The following ELMO1 variants were observed in gnomAD, a reference collection of about 807,000 sequenced individuals.
ELMO1 encodes engulfment and cell motility 1.
A neutral mutation model predicts 98.9 loss-of-function variants in ELMO1; 26 were observed. The ratio of observed to expected loss-of-function variants is 0.26; its 90% CI spans 0.19 to 0.36. ELMO1 has a LOEUF of 0.36. ELMO1 is among the 10% of genes least tolerant of loss of function. The pLI is 1.00. For synonymous variants in ELMO1, 346 were observed against 346.0 expected, an observed-to-expected ratio of 1.00 and a Z score of 0.00; for missense variants, 627 against 935.2, an observed-to-expected ratio of 0.67 and a Z score of 4.30.
intron 13 of ELMO1, among the ~76,000 whole-genome samples, chr7:37,163,684 T>G (rs1789402903): frequency 6.6e-6 from 1 of 152,248 alleles, no homozygotes; most frequent in Non-Finnish European, 1.5e-5. Flanking sequence ...ATTTTATGGC[T>G]GCATAGTATT....
intron 15 of ELMO1, among the ~76,000 whole-genome samples, chr7:37,090,030 T>C (rs1250936810): frequency 6.6e-5 from 10 of 152,176 alleles, no homozygotes; most frequent in Admixed American, 5.9e-4. Context: ...AAAACACTTC[T>C]ACACACCTAA....
Position 36,878,151 on chromosome 7 carries a change from G to T in ELMO1, c.1715-34C>A, listed in dbSNP as rs137988478. On this transcript the variant is annotated intron_variant, in intron 18 of 21. Coordinates refer to ENST00000310758, the MANE Select transcript of ELMO1 (RefSeq NM_014800.11). The stretch of plus-strand genomic sequence containing the variant: ...AAAAACACAAGTTTACAAGGTAAGT[G>T]ATTGTGGTTTATCAAAATACTAGCC... 796 of 1,534,322 alleles carry T rather than the reference G, an allele frequency of 5.2e-4. 2 individuals are homozygous for T. In the African/African-American group the frequency reaches 9.8e-3, roughly 19 times the overall value.
intron 16 of ELMO1, chr7:36,986,367 CTT>C (rs1382939646): frequency 1.7e-6 from 1 of 601,476 alleles, no homozygotes; most frequent in Non-Finnish European, 2.1e-6. Flanking sequence ...GTCCTATGCT[CTT>C]TTGTCAATAA....
At chr7:37,356,857 A>G (rs1801519444) in intron 1 of ELMO1, among the ~76,000 whole-genome samples, 1 of 152,206 alleles carries the variant, frequency 6.6e-6, no homozygotes, top group Non-Finnish European at 1.5e-5. Context: ...AAATAAATAA[A>G]AAAATCCTCT....
intron 13 of ELMO1, among the ~76,000 whole-genome samples, chr7:37,158,137 C>T (rs1287783833): frequency 6.6e-6 from 1 of 152,180 alleles, no homozygotes; most frequent in Non-Finnish European, 1.5e-5. Flanking sequence ...CTTCCTTACA[C>T]CTTATACAAA....
chr7:37,073,637 T>C (rs1322376004), intron 15 of ELMO1, among the ~76,000 whole-genome samples: 8 of 151,816 alleles, frequency 5.3e-5, no homozygotes, highest in African/African-American at 9.7e-5. Flanking sequence ...TGCTCTGTCG[T>C]CCAGGCTAGA....
At chr7:36,900,450 C>T (rs1180944383) in intron 16 of ELMO1, among the ~76,000 whole-genome samples, 2 of 152,158 alleles carry the variant, frequency 1.3e-5, no homozygotes, top group Non-Finnish European at 2.9e-5. Flanking sequence ...TGTAGATTGA[C>T]ACAACAAATA....
intron 14 of ELMO1, among the ~76,000 whole-genome samples, chr7:37,128,159 C>T (rs1212311399): frequency 1.3e-5 from 2 of 152,194 alleles, no homozygotes; most frequent in Admixed American, 6.5e-5. Flanking sequence ...CACCACTGCA[C>T]TGCAGCCTGG....
At chr7:37,436,656 G>C (rs930499728) in intron 1 of ELMO1, among the ~76,000 whole-genome samples, 2 of 152,178 alleles carry the variant, frequency 1.3e-5, no homozygotes, top group African/African-American at 4.8e-5. Context: ...ATGAGCTGGT[G>C]TGCCTGTAAG....
chr7:36,992,870 C>A (rs1228606093), intron 16 of ELMO1, among the ~76,000 whole-genome samples: 1 of 152,184 alleles, frequency 6.6e-6, no homozygotes, highest in Admixed American at 6.5e-5. Flanking sequence ...CATGCCCTTA[C>A]TTTTTCTGCT....
intron 1 of ELMO1, among the ~76,000 whole-genome samples, chr7:37,374,972 T>C (rs1019221820): frequency 6.6e-6 from 1 of 151,764 alleles, no homozygotes. Flanking sequence ...AGGCAGAGAA[T>C]TGCTTGAACC....
chr7:37,114,908 C>G (rs1260003133), intron 14 of ELMO1, among the ~76,000 whole-genome samples: 1 of 151,860 alleles, frequency 6.6e-6, no homozygotes, highest in Non-Finnish European at 1.5e-5. Flanking sequence ...TTATTAGCAT[C>G]AAAAATGAAA....
At chr7:37,129,194 A>G (rs1414930553) in intron 14 of ELMO1, among the ~76,000 whole-genome samples, 1 of 152,004 alleles carries the variant, frequency 6.6e-6, no homozygotes, top group African/African-American at 2.4e-5. Flanking sequence ...GTTGGTAGCA[A>G]GAGATAAAGC....
intron 4 of ELMO1, among the ~76,000 whole-genome samples, chr7:37,296,653 T>C (rs1798042142): frequency 5.1e-4 from 2 of 3,886 alleles, no homozygotes; most frequent in Non-Finnish European, 1.1e-3. Flanking sequence ...CATCTCAGAA[T>C]TCCACTTACC....
At chr7:36,886,752 G>T (rs978237995) in intron 18 of ELMO1, among the ~76,000 whole-genome samples, 2 of 152,204 alleles carry the variant, frequency 1.3e-5, no homozygotes, top group African/African-American at 4.8e-5. Context: ...GAAAGAAACA[G>T]CTAGACATGT....
chr7:37,388,832 C>T (rs907005540), intron 1 of ELMO1, among the ~76,000 whole-genome samples: 2 of 152,038 alleles, frequency 1.3e-5, no homozygotes, highest in East Asian at 1.9e-4. Flanking sequence ...AAAATACCGC[C>T]GTCACCTGAC....
chr7:37,198,549 T>G (rs1792102152), intron 13 of ELMO1, among the ~76,000 whole-genome samples: 1 of 152,250 alleles, frequency 6.6e-6, no homozygotes. Flanking sequence ...ACACAGCTAA[T>G]GAGCAATGAA....
intron 16 of ELMO1, among the ~76,000 whole-genome samples, chr7:36,937,172 T>C (rs1786609403): frequency 6.6e-6 from 1 of 152,244 alleles, no homozygotes; most frequent in African/African-American, 2.4e-5. Context: ...TACCTCAGAA[T>C]GTGACACTAT....
chr7:37,418,616 T>A (rs1583724931), intron 1 of ELMO1, among the ~76,000 whole-genome samples: 1 of 152,202 alleles, frequency 6.6e-6, no homozygotes, highest in East Asian at 1.9e-4. Context: ...ACTCTGTATC[T>A]GGTGAATAGC....
Sources: gnomAD v4.1 joint callset for allele counts (sites outside exome capture counted in the v4.1 genomes callset) on GRCh38, gnomAD v4.1.1 for gene constraint, MANE v1.5 for transcripts, NCBI Gene and HGNC (gene_info 2026-07-23, HGNC 2026-07-21) for gene names.